The following NEDD9 variants were observed in gnomAD, a reference collection of about 807,000 sequenced individuals.
NEDD9 encodes the protein enhancer of filamentation 1.
NEDD9 carries 26 observed loss-of-function variants against 76.6 expected under a neutral mutation model. That is an observed-to-expected ratio of 0.34 (90% CI 0.25 to 0.47). NEDD9 has a LOEUF of 0.47. Ranked by LOEUF, NEDD9 falls within the 20% of genes least tolerant of loss-of-function variation. The pLI is 1.00. For synonymous variants in NEDD9, 392 were observed against 414.2 expected (o/e 0.95, Z 0.65); for missense variants, 937 against 1,058.5 (o/e 0.89, Z 1.59).
intron 2 of NEDD9, chr6:11,201,164 A>C: frequency 2.6e-6 from 3 of 1,174,266 alleles, no homozygotes; most frequent in Non-Finnish European, 3.8e-6. Flanking sequence ...TCACCTCCTT[A>C]ATGCAGAGCT....
intron 2 of NEDD9, among the ~76,000 whole-genome samples, chr6:11,307,867 G>C (rs1761237441): frequency 6.6e-6 from 1 of 151,918 alleles, no homozygotes; most frequent in African/African-American, 2.4e-5. Context: ...CATGCACCGG[G>C]GTCTCTGTGT....
intron 2 of NEDD9, 84 bp from the exon 3 acceptor site, chr6:11,193,776 C>G (rs1758222581): frequency 1.2e-6 from 1 of 802,866 alleles, no homozygotes; most frequent in Non-Finnish European, 2.1e-6. Flanking sequence ...ACTCATCCCT[C>G]AACTCTCCCT....
intron 1 of NEDD9, among the ~76,000 whole-genome samples, chr6:11,227,448 G>A (rs920510911): frequency 2.0e-5 from 3 of 152,074 alleles, no homozygotes; most frequent in Non-Finnish European, 4.4e-5. Context: ...TACAGACAAT[G>A]CTGTAAAATG....
At chr6:11,268,726 C>CACACAA (rs1491133407) in intron 3 of NEDD9, among the ~76,000 whole-genome samples, 2,231 of 138,368 alleles carry the variant, frequency 0.016, 45 homozygotes, top group African/African-American at 0.047. Flanking sequence ...GAAGCTCCAT[C>CACACAA]ACACACACAC....
At chr6:11,279,367 G>T (rs2113354991) in intron 3 of NEDD9, among the ~76,000 whole-genome samples, 1 of 152,352 alleles carries the variant, frequency 6.6e-6, no homozygotes. Flanking sequence ...TAATGCGGGT[G>T]CTTGGACAAA....
intron 2 of NEDD9, among the ~76,000 whole-genome samples, chr6:11,322,296 A>G (rs960947698): frequency 2.0e-5 from 3 of 152,176 alleles, no homozygotes; most frequent in South Asian, 4.1e-4. Context: ...ATACCTGTGT[A>G]ACAAACCTGC....
At chr6:11,251,083 A>G (rs1759905195) in intron 3 of NEDD9, among the ~76,000 whole-genome samples, 1 of 152,160 alleles carries the variant, frequency 6.6e-6, no homozygotes, top group African/African-American at 2.4e-5. Flanking sequence ...TATAACCTAC[A>G]ATGGAAAGAA....
intron 1 of NEDD9, among the ~76,000 whole-genome samples, chr6:11,367,085 T>C (rs1762782821): frequency 1.2e-5 from 1 of 86,598 alleles, no homozygotes; most frequent in East Asian, 2.4e-4. Context: ...GAGAACCGTA[T>C]AAAGCTCAAT....
intron 3 of NEDD9, among the ~76,000 whole-genome samples, chr6:11,273,670 C>A (rs868246761): frequency 1.4e-4 from 21 of 152,262 alleles, no homozygotes; most frequent in African/African-American, 5.1e-4. Context: ...TTATCAAGAT[C>A]CGAATTACCC....
chr6:11,287,789 G>A (rs987142909), intron 3 of NEDD9, among the ~76,000 whole-genome samples: 6 of 152,130 alleles, frequency 3.9e-5, no homozygotes, highest in South Asian at 2.1e-4. Flanking sequence ...AGGTTAAGAC[G>A]CTAACCCATC....
intron 3 of NEDD9, among the ~76,000 whole-genome samples, chr6:11,288,281 G>A (rs1283998211): frequency 6.6e-6 from 1 of 152,206 alleles, no homozygotes; most frequent in Non-Finnish European, 1.5e-5. Flanking sequence ...GTACACCCTG[G>A]TCTAAGGTCT....
intron 1 of NEDD9, among the ~76,000 whole-genome samples, chr6:11,347,062 C>T (rs1394258253): frequency 2.6e-5 from 4 of 152,178 alleles, no homozygotes; most frequent in African/African-American, 9.7e-5. Context: ...CCACCATCCC[C>T]TCCACTCTCC....
intron 2 of NEDD9, among the ~76,000 whole-genome samples, chr6:11,195,157 T>C (rs2113726351): frequency 6.6e-6 from 1 of 152,366 alleles, no homozygotes; most frequent in East Asian, 1.9e-4. Flanking sequence ...CACCAATGCC[T>C]TCTCCCCAGG....
intron 1 of NEDD9, among the ~76,000 whole-genome samples, chr6:11,225,330 C>T (rs578092294): frequency 1.8e-4 from 28 of 152,198 alleles, no homozygotes; most frequent in Non-Finnish European, 3.1e-4. Flanking sequence ...AATTCTAATT[C>T]GCAAGACTGA....
chr6:11,327,226 T>C (rs1761947522), intron 2 of NEDD9, among the ~76,000 whole-genome samples: 1 of 152,232 alleles, frequency 6.6e-6, no homozygotes. Context: ...ACAATTTCCT[T>C]AGTCCTTTTA....
intron 2 of NEDD9, chr6:11,199,094 A>G (rs1758363163): frequency 6.6e-6 from 1 of 152,218 alleles, no homozygotes; most frequent in African/African-American, 2.4e-5. Flanking sequence ...AGCCAGAAAC[A>G]TGTGGGGGAG....
At chr6:11,312,683 TTA>T (rs139845526) in intron 2 of NEDD9, among the ~76,000 whole-genome samples, 1 of 98,692 alleles carries the variant, frequency 1.0e-5, no homozygotes, top group East Asian at 5.5e-4. Flanking sequence ...TAATTTTATA[TTA>T]TATATATTAT....
intron 3 of NEDD9, among the ~76,000 whole-genome samples, chr6:11,291,267 G>GTTGTTTTTTTTTTTTTTT (rs1760759181): frequency 1.0e-5 from 1 of 95,824 alleles, no homozygotes; most frequent in African/African-American, 5.0e-5. Context: ...ATAGAATGAG[G>GTTGTTTTTTTTTTTTTTT]TTTTTTTTTT....
At chr6:11,208,141 G>A (rs968941974) in intron 2 of NEDD9, among the ~76,000 whole-genome samples, 67 of 147,616 alleles carry the variant, frequency 4.5e-4, no homozygotes, top group Non-Finnish European at 8.1e-4. Flanking sequence ...TGGCACCACC[G>A]CACTTCAGCA....
Sources: gnomAD v4.1 joint callset for allele counts (sites outside exome capture counted in the v4.1 genomes callset) on GRCh38, gnomAD v4.1.1 for gene constraint, MANE v1.5 for transcripts, NCBI Gene and HGNC (gene_info 2026-07-23, HGNC 2026-07-21) for gene names.